Variants in ETV6 observed in about 807,000 individuals in gnomAD.
The protein encoded by ETV6 is ETS variant transcription factor 6, also known as transcription factor ETV6.
A neutral mutation model predicts 51.1 loss-of-function variants in ETV6; 16 were observed. That is an observed-to-expected ratio of 0.31 (90% CI 0.21 to 0.48). ETV6 has a LOEUF of 0.48. Among genes scored for constraint, ETV6 ranks in the 20% least tolerant of loss-of-function variants. The pLI, the probability that ETV6 is intolerant of heterozygous loss-of-function variation, is 0.99. For missense variants in ETV6, 458 were observed against 594.8 expected (o/e 0.77, Z 2.39); for synonymous variants, 240 against 224.1 (o/e 1.07, Z -0.64).
intron 1 of ETV6, among the ~76,000 whole-genome samples, chr12:11,727,474 A>G (rs890485338): frequency 1.3e-5 from 2 of 152,134 alleles, no homozygotes; most frequent in Non-Finnish European, 1.5e-5. Context: ...TTTGTTCCTC[A>G]TCTCCCTCTT....
rs531789944 is a variant in ETV6 at position 11,803,395 on chromosome 12, A to G, written c.164-35745A>G. ...TAATTTTTTGTCACAGTTTCCATAC[A>G]TATTTGTTGAATGAATCCTAAAAGT... On this transcript the variant is annotated intron_variant, in intron 2 of 7. Transcript: ENST00000396373. Among the ~76,000 whole-genome samples the G allele has an allele frequency of 6.6e-5, 10 of 152,334 alleles. No individual in the cohort carries two copies. In the East Asian group the frequency reaches 1.9e-3, roughly 29 times the overall value.
intron 2 of ETV6, among the ~76,000 whole-genome samples, chr12:11,786,115 T>A (rs943815324): frequency 1.2e-4 from 18 of 152,210 alleles, no homozygotes; most frequent in African/African-American, 2.7e-4. Context: ...TTGTTTTTTT[T>A]AAAATATTCC....
At chr12:11,780,673 T>C (rs1404507361) in intron 2 of ETV6, among the ~76,000 whole-genome samples, 2 of 152,186 alleles carry the variant, frequency 1.3e-5, no homozygotes, top group African/African-American at 4.8e-5. Flanking sequence ...CCCTGGGGAA[T>C]TGGTCACTCC....
At position 11,894,734 on chromosome 12, in the gene ETV6, C is replaced by CA. The variant is rs1394233338; in HGVS notation, c.*3694dup. 4.3e-6 allele frequency: 1 copy of CA among 233,080 alleles called. No individual in the cohort carries two copies. The highest frequency in any genetic ancestry group is 8.5e-6 in the Non-Finnish European group (1 of 117,950). 14.4% of individuals were successfully genotyped at this position (233,080 alleles called of 1,614,324 possible). A position where few individuals can be genotyped will look rare whatever the true frequency, so the allele number is the denominator to read the frequency against. ...TTTTTGAAATAGGAACTCCCTTTTG[C>CA]AAAAAAGAAACCTGGGTGTCAGGGA... On this transcript the variant is annotated 3_prime_UTR_variant, in exon 8 of 8. Coordinates refer to ENST00000396373, the MANE Select transcript of ETV6 (RefSeq NM_001987.5).
intron 2 of ETV6, among the ~76,000 whole-genome samples, chr12:11,813,764 T>G (rs1945948863): frequency 6.6e-6 from 1 of 152,258 alleles, no homozygotes; most frequent in Non-Finnish European, 1.5e-5. Flanking sequence ...TTGCATATTG[T>G]TCCTTGGATT....
chr12:11,733,776 C>T (rs535852719), intron 1 of ETV6, among the ~76,000 whole-genome samples: 43 of 152,342 alleles, frequency 2.8e-4, no homozygotes, highest in Middle Eastern at 6.8e-3. Flanking sequence ...CACACACCCA[C>T]ATACCCTGTT....
intron 3 of ETV6, among the ~76,000 whole-genome samples, chr12:11,851,480 C>T (rs1238619089): frequency 6.6e-6 from 1 of 152,192 alleles, no homozygotes; most frequent in African/African-American, 2.4e-5. Context: ...CTTATCCCCG[C>T]CTCATCAGAG....
intron 2 of ETV6, among the ~76,000 whole-genome samples, chr12:11,772,425 G>T (rs1006190452): frequency 6.6e-6 from 1 of 152,170 alleles, no homozygotes; most frequent in Non-Finnish European, 1.5e-5. Flanking sequence ...CAGTGATCAG[G>T]TCTGTGCCCA....
chr12:11,734,352 AT>A (rs1865661859), intron 1 of ETV6, among the ~76,000 whole-genome samples: 1 of 152,018 alleles, frequency 6.6e-6, no homozygotes. Context: ...CATGCCTGTA[AT>A]CCCCACACTT....
intron 4 of ETV6, among the ~76,000 whole-genome samples, chr12:11,864,753 TA>T (rs112545930): frequency 0.2 from 28,293 of 144,528 alleles, 3,383 homozygotes; most frequent in African/African-American, 0.35. Context: ...TTAAGCACTT[TA>T]AAAAAAAAAA....
rs1045884530 is a variant in ETV6, at chr12:11,869,161, G to A, written c.464-263G>A. On this transcript the variant is annotated intron_variant, in intron 4 of 7. Coordinates refer to ENST00000396373, the MANE Select transcript of ETV6 (RefSeq NM_001987.5). The surrounding 1 kb of genome is among the most constrained non-coding windows in gnomAD (Gnocchi z 5.0). ...TGAGGCCGGAGAATGGCATGAACCC[G>A]GGAGGCAGAGCTTGCAGTGAGCCGA... Among the ~76,000 whole-genome samples the A allele has an allele frequency of 2.0e-5, 3 of 152,004 alleles. No individual in the cohort carries two copies. The East Asian group carries it at 5.8e-4, about 29-fold the overall frequency.
intron 1 of ETV6, among the ~76,000 whole-genome samples, chr12:11,696,903 G>T (rs1250119510): frequency 6.6e-6 from 1 of 152,098 alleles, no homozygotes; most frequent in Non-Finnish European, 1.5e-5. Flanking sequence ...CTCCTTGAGG[G>T]CAGAGACTAT....
At chr12:11,864,995 T>C (rs1194905079) in intron 4 of ETV6, among the ~76,000 whole-genome samples, 1 of 152,148 alleles carries the variant, frequency 6.6e-6, no homozygotes, top group East Asian at 1.9e-4. Flanking sequence ...CTCATGCCTG[T>C]AATCCCAGCA....
intron 1 of ETV6, among the ~76,000 whole-genome samples, chr12:11,738,188 T>G (rs1369753753): frequency 6.6e-6 from 1 of 151,774 alleles, no homozygotes; most frequent in Non-Finnish European, 1.5e-5. Context: ...CTTGCTTGCT[T>G]GCTTGCTTGC....
intron 2 of ETV6, among the ~76,000 whole-genome samples, chr12:11,799,701 T>C (rs2136400616): frequency 6.6e-6 from 1 of 152,320 alleles, no homozygotes; most frequent in Admixed American, 6.5e-5. Context: ...ATACTCCCCT[T>C]CTTGGTCCCC....
intron 1 of ETV6, among the ~76,000 whole-genome samples, chr12:11,747,109 A>G (rs529272993): frequency 6.6e-6 from 1 of 152,270 alleles, no homozygotes; most frequent in East Asian, 1.9e-4. Flanking sequence ...CCTCTCCCCA[A>G]GGGCTGAGTG....
chr12:11,835,109 CTGGGTGTGT>C (rs1946296994), intron 2 of ETV6, among the ~76,000 whole-genome samples: 2 of 152,170 alleles, frequency 1.3e-5, no homozygotes, highest in Non-Finnish European at 2.9e-5. Context: ...GTTTAAGGGC[CTGGGTGTGT>C]CACTGAAGGA....
At chr12:11,730,915 G>C (rs1865583302) in intron 1 of ETV6, among the ~76,000 whole-genome samples, 1 of 152,162 alleles carries the variant, frequency 6.6e-6, no homozygotes, top group Admixed American at 6.5e-5. Context: ...GCTTTAAGCT[G>C]TTTCTGTGAG....
At chr12:11,710,283 A>T (rs923028324) in intron 1 of ETV6, among the ~76,000 whole-genome samples, 6 of 151,410 alleles carry the variant, frequency 4.0e-5, no homozygotes, top group African/African-American at 1.5e-4. Context: ...ACTCATGTCT[A>T]TGGTTTCCCG....
Sources: allele counts gnomAD v4.1 joint callset (sites outside exome capture counted in the v4.1 genomes callset), GRCh38; gene constraint gnomAD v4.1.1; non-coding constraint Gnocchi (gnomAD v3.1); transcripts MANE v1.5; gene names NCBI Gene and HGNC (gene_info 2026-07-23, HGNC 2026-07-21).